Variants in C2CD3 observed in about 807,000 individuals in gnomAD.
C2CD3 encodes the protein C2 domain-containing protein 3.
C2CD3 carries 148 observed loss-of-function variants against 234.0 expected under a neutral mutation model. That is an observed-to-expected ratio of 0.63 (90% CI 0.55 to 0.72). The LOEUF (loss-of-function observed/expected upper bound fraction) is 0.72, where lower values mean the gene tolerates loss of function less well. Ranked by LOEUF, C2CD3 falls within the 30% of genes least tolerant of loss-of-function variation. C2CD3 has a pLI of 0.00. For synonymous variants in C2CD3, 1,000 were observed against 1,035.4 expected (o/e 0.97, Z 0.66); for missense variants, 2,577 against 2,811.5 (o/e 0.92, Z 1.89).
Position 74,037,652 on chromosome 11 carries a change from T to C in C2CD3, c.5707A>G (p.Lys1903Glu). The C allele has an allele frequency of 1.2e-6, 2 of 1,614,068 alleles. No homozygotes were observed. The highest frequency in any genetic ancestry group is 1.7e-6 in the Non-Finnish European group (2 of 1,179,996). ...LDQIQRYFRQ[K>E]LTKPFLPLSP... ...AGGGGTAGGAAAGGCTTGGTGAGCTTCTGGCGGAAGTACCTCTGAATCTGA... is the reference window on the plus strand; with the variant it reads ...AGGGGTAGGAAAGGCTTGGTGAGCTCCTGGCGGAAGTACCTCTGAATCTGA... The change falls in exon 30 of 33, where the codon AAG becomes GAG. Residue 1903 changes from lysine to glutamate, a missense_variant. Coordinates refer to ENST00000334126, the MANE Select transcript of C2CD3 (RefSeq NM_001286577.2).
intron 3 of C2CD3, 29 bp downstream of exon 3, chr11:74,161,370 T>C: frequency 1.4e-6 from 2 of 1,448,974 alleles, no homozygotes; most frequent in South Asian, 1.3e-5. Flanking sequence ...GTTTATTTTA[T>C]GCAGCAAATA....
At chr11:74,102,336 T>C (rs941814342) in intron 14 of C2CD3, among the ~76,000 whole-genome samples, 2 of 152,204 alleles carry the variant, frequency 1.3e-5, no homozygotes, top group East Asian at 1.9e-4. Context: ...TGCCAGGCAA[T>C]GTGTTAGGTG....
chr11:74,132,718 T>C, intron 7 of C2CD3, 126 bp downstream of exon 7: 1 of 881,296 alleles, frequency 1.1e-6, no homozygotes, highest in Non-Finnish European at 1.7e-6. Flanking sequence ...AGTGATAGTT[T>C]AAGGAATAGG....
intron 3 of C2CD3, among the ~76,000 whole-genome samples, chr11:74,148,557 T>C (rs1003647514): frequency 6.6e-6 from 1 of 152,266 alleles, no homozygotes; most frequent in African/African-American, 2.4e-5. Flanking sequence ...TTTTTGGCAG[T>C]TGATTTCTTT....
At chr11:74,102,540 G>A (rs573059870) in intron 14 of C2CD3, among the ~76,000 whole-genome samples, 11 of 152,344 alleles carry the variant, frequency 7.2e-5, no homozygotes, top group Middle Eastern at 3.4e-3. Context: ...ATTTGGAAGA[G>A]TGCCAGCAAT....
intron 7 of C2CD3, among the ~76,000 whole-genome samples, chr11:74,131,492 G>T (rs962343135): frequency 2.0e-5 from 3 of 151,940 alleles, no homozygotes; most frequent in Non-Finnish European, 4.4e-5. Flanking sequence ...GCTGGGTTCG[G>T]TTTGCAAGTA....
intron 3 of C2CD3, among the ~76,000 whole-genome samples, chr11:74,158,167 G>C (rs1856164654): frequency 6.6e-6 from 1 of 152,058 alleles, no homozygotes; most frequent in Non-Finnish European, 1.5e-5. Flanking sequence ...AAGCAACAAA[G>C]CAAAAATAGA....
chr11:74,108,179 A>G (rs1340733265), intron 12 of C2CD3: 1 of 151,902 alleles, frequency 6.6e-6, no homozygotes, highest in East Asian at 1.9e-4. Flanking sequence ...AAAGAAAAAA[A>G]ATGCCATTAA....
chr11:74,059,249 AC>A (rs1470256719), intron 24 of C2CD3, among the ~76,000 whole-genome samples: 7 of 151,852 alleles, frequency 4.6e-5, no homozygotes, highest in African/African-American at 1.7e-4. Context: ...TCTCTACTAA[AC>A]AATACAAAAA....
intron 13 of C2CD3, among the ~76,000 whole-genome samples, chr11:74,105,512 C>T (rs1361736817): frequency 6.6e-6 from 1 of 152,150 alleles, no homozygotes; most frequent in Non-Finnish European, 1.5e-5. Flanking sequence ...CTCCGGCAAT[C>T]TGCCCGCCTT....
At chr11:74,146,709 A>ACC (rs34075953) in intron 3 of C2CD3, among the ~76,000 whole-genome samples, 83 of 51,948 alleles carry the variant, frequency 1.6e-3, no homozygotes, top group Middle Eastern at 0.011. Context: ...TAAAAGTCAA[A>ACC]CCACACACAC....
chr11:74,043,644 C>CT (rs769717534), intron 28 of C2CD3, among the ~76,000 whole-genome samples: 177 of 145,086 alleles, frequency 1.2e-3, no homozygotes, highest in South Asian at 3.5e-3. Flanking sequence ...CTTGAGATAT[C>CT]TTTTTTTTTT....
At chr11:74,097,956 A>T in intron 16 of C2CD3, 53 bp downstream of exon 16, 1 of 1,565,156 alleles carries the variant, frequency 6.4e-7, no homozygotes, top group Non-Finnish European at 8.7e-7. Context: ...ATTCACTAAA[A>T]TATGCAAGAG....
In C2CD3 at chr11:74,085,787, C is replaced by T. The variant is rs151187151; in HGVS notation, c.3741G>A (p.Gln1247=). The T allele has an allele frequency of 1.8e-5, 29 of 1,613,986 alleles. No homozygotes were observed. In the African/African-American group the frequency reaches 3.5e-4, roughly 19 times the overall value. The stretch of plus-strand genomic sequence containing the variant: ...AACAGGCCACAGGGTGGGTTCGGCG[C>T]TGTTCTCCCTGGGGCAGGAAGGAGA... ...THLSFLPQGE[Q]RRTHPVACSF... The change falls in exon 21 of 33, where the codon CAG becomes CAA. Residue 1247 remains glutamine, a synonymous_variant. Coordinates refer to ENST00000334126, the MANE Select transcript of C2CD3 (RefSeq NM_001286577.2).
At position 74,048,295 on chromosome 11, in the gene C2CD3, T is replaced by C. The variant is rs1285522367; in HGVS notation, c.5405A>G (p.Tyr1802Cys). 3 of 1,613,776 alleles carry C rather than the reference T, an allele frequency of 1.9e-6. No individual in the cohort carries two copies. The highest frequency in any genetic ancestry group is 1.7e-5 in the Admixed American group (1 of 59,976). Reference sequence around the variant, plus strand: ...TGCCATGTGGCTGGAGAATGCAGCATACGTATCAGAGGCAGGGAAGGAAAA... The same window carrying C: ...TGCCATGTGGCTGGAGAATGCAGCACACGTATCAGAGGCAGGGAAGGAAAA... Reference protein sequence around the residue: ...SPFSFPASDTYAAFSSHMARQ... With the variant: ...SPFSFPASDTCAAFSSHMARQ... Residue 1802 changes from tyrosine to cysteine, a missense_variant, in exon 28 of 33, where the codon TAT (tyrosine) becomes TGT (cysteine). Coordinates refer to ENST00000334126, the MANE Select transcript of C2CD3 (RefSeq NM_001286577.2).
chr11:74,098,740 T>C (rs1007646417), intron 15 of C2CD3, among the ~76,000 whole-genome samples: 1 of 152,184 alleles, frequency 6.6e-6, no homozygotes, highest in Admixed American at 6.5e-5. Flanking sequence ...TATTAATGGA[T>C]GAGAAAAGCC....
chr11:74,153,587 A>T (rs1480258539), intron 3 of C2CD3, among the ~76,000 whole-genome samples: 1 of 152,206 alleles, frequency 6.6e-6, no homozygotes, highest in South Asian at 2.1e-4. Flanking sequence ...ATGGATTGGA[A>T]GACTCAATAT....
chr11:74,025,815 T>C (rs1952271219), intron 32 of C2CD3, among the ~76,000 whole-genome samples: 1 of 152,112 alleles, frequency 6.6e-6, no homozygotes, highest in South Asian at 2.1e-4. Context: ...TGACATTACT[T>C]TTAAGGAAAG....
At chr11:74,117,368 ATATATATATAT>A (rs1957058774) in intron 9 of C2CD3, among the ~76,000 whole-genome samples, 1 of 66,370 alleles carries the variant, frequency 1.5e-5, no homozygotes, top group South Asian at 4.4e-4. Context: ...TCAAATATAT[ATATATATATAT>A]ATATATATAT....
Sources: allele counts gnomAD v4.1 joint callset (sites outside exome capture counted in the v4.1 genomes callset), GRCh38; gene constraint gnomAD v4.1.1; transcripts MANE v1.5; gene names NCBI Gene and HGNC (gene_info 2026-07-23, HGNC 2026-07-21).